Variants in SCAMP2 observed in about 807,000 individuals in gnomAD.
SCAMP2 encodes the protein secretory carrier membrane protein 2.
Under a neutral mutation model 44.1 loss-of-function variants are expected in SCAMP2, and 25 were observed. That is an observed-to-expected ratio of 0.57 (90% CI 0.41 to 0.79). The LOEUF (loss-of-function observed/expected upper bound fraction) is 0.79, where lower values mean the gene tolerates loss of function less well. SCAMP2 is among the 30% of genes least tolerant of loss of function. The probability of loss-of-function intolerance (pLI) is 0.00; values close to 1 mark genes in which losing one functional copy is unlikely to be tolerated. For synonymous variants in SCAMP2, 156 were observed against 166.0 expected (o/e 0.94, Z 0.46); for missense variants, 355 against 411.0 (o/e 0.86, Z 1.18).
chr15:74,854,025 G>T lies in SCAMP2; in HGVS notation c.221C>A (p.Pro74His), dbSNP rs79613336. 6.2e-3 allele frequency: 10,042 copies of T among 1,613,530 alleles called. 444 individuals carry two copies. In the Admixed American group the frequency reaches 0.095, roughly 15 times the overall value. ...QPSVEPTQPT[P>H]QAVVSAAQAG... is the part of the protein sequence containing the mutation. ...AGAGTTCTTTGTCAGCACTACCTGG[G>T]GGGTCGGCTGGGTTGGTTCCACTGA... Residue 74 changes from proline (P) to histidine (H), a missense_variant, in exon 3 of 9, where the codon CCC (proline) becomes CAC (histidine). Physicochemically the swap from Pro to His is moderately conservative, Grantham distance 77. Coordinates refer to ENST00000268099, the MANE Select transcript of SCAMP2 (RefSeq NM_005697.5).
chr15:74,862,109 A>C (rs2064509004), intron 1 of SCAMP2, among the ~76,000 whole-genome samples: 1 of 136,534 alleles, frequency 7.3e-6, no homozygotes, highest in Admixed American at 7.4e-5. Flanking sequence ...AAAAAAATAC[A>C]AAAGTTAGCC....
chr15:74,852,288 G>T, intron 3 of SCAMP2, 102 bp from the exon 4 acceptor site: 1 of 791,258 alleles, frequency 1.3e-6, no homozygotes, highest in Non-Finnish European at 1.8e-6. Flanking sequence ...GGCAGGGACA[G>T]CCATCAAGGA....
intron 1 of SCAMP2, among the ~76,000 whole-genome samples, chr15:74,861,646 C>T (rs187326642): frequency 2.0e-4 from 31 of 152,260 alleles, no homozygotes; most frequent in East Asian, 3.9e-4. Context: ...CGCCTATAAT[C>T]GCAGCACTTT....
In SCAMP2 at chr15:74,854,603, G is replaced by T. The variant is rs756036316; in HGVS notation, c.104C>A (p.Ala35Glu). The T allele has an allele frequency of 1.9e-5, 31 of 1,606,666 alleles. No homozygotes were observed. Among genetic ancestry groups the T allele is most frequent in the Non-Finnish European group, 2.5e-5 (30 of 1,176,644 alleles). Reference sequence around the variant, plus strand: ...AACCTCTGAGAAGGGGTTGAATTCCGCCAGGCCGCCCTGCGGGGCGTTGGT... The same window carrying T: ...AACCTCTGAGAAGGGGTTGAATTCCTCCAGGCCGCCCTGCGGGGCGTTGGT... The part of the protein sequence containing the change: ...QLTNAPQGGL[A>E]EFNPFSETNA... Residue 35 changes from alanine (A) to glutamate (E), a missense_variant, in exon 2 of 9, where the codon GCG becomes GAG. Ala to Glu is a moderately radical substitution (Grantham distance 107, BLOSUM62 -1). Coordinates refer to ENST00000268099, the MANE Select transcript of SCAMP2 (RefSeq NM_005697.5).
chr15:74,873,191 G>C lies in SCAMP2; in HGVS notation c.57+8C>G. The C allele has an allele frequency of 2.1e-6, 3 of 1,437,758 alleles. No homozygotes were observed. Among genetic ancestry groups the C allele is most frequent in the Middle Eastern group, 1.8e-4 (1 of 5,676 alleles). The allele number at this position is 1,437,758 out of a possible 1,614,324, so 89.1% of individuals were successfully genotyped here. On this transcript the variant is annotated splice_region_variant and intron_variant, in intron 1 of 8. Transcript: ENST00000268099. ...TCTGAGAGCTGGATGGCGGGAGAGG[G>C]GCTCTACCTGGAAGGGGTTTACATC...
rs755380990 is a variant in SCAMP2, at chr15:74,845,042, G to C, written c.*41C>G. On this transcript the variant is annotated 3_prime_UTR_variant, in exon 9 of 9. Coordinates refer to ENST00000268099, the MANE Select transcript of SCAMP2 (RefSeq NM_005697.5). ...ACCCACGGAAAGTGCAGCTCAGAAG[G>C]CAGGCGAGAGAAAGGCTGAGGGGGA... 4.4e-6 allele frequency: 7 copies of C among 1,596,002 alleles called. No individual in the cohort carries two copies. The highest frequency in any genetic ancestry group is 5.1e-6 in the Non-Finnish European group (6 of 1,167,698).
intron 4 of SCAMP2, 53 bp downstream of exon 4, chr15:74,852,016 G>GACACTCTTCTA (rs1471860914): frequency 7.6e-7 from 1 of 1,311,872 alleles, no homozygotes; most frequent in Non-Finnish European, 1.0e-6. Flanking sequence ...CAGGTTTCAG[G>GACACTCTTCTA]ACACTCTTCT....
intron 1 of SCAMP2, among the ~76,000 whole-genome samples, chr15:74,857,443 C>T (rs1345944370): frequency 6.6e-6 from 1 of 152,210 alleles, no homozygotes; most frequent in African/African-American, 2.4e-5. Context: ...CCCTCTCAGA[C>T]TCAGCAGACA....
intron 7 of SCAMP2, among the ~76,000 whole-genome samples, chr15:74,848,050 G>A (rs2141170855): frequency 6.6e-6 from 1 of 151,686 alleles, no homozygotes; most frequent in South Asian, 2.1e-4. Context: ...GGAAAGTGGA[G>A]AGCAAGGGAA....
chr15:74,859,386 C>G (rs2064488030), intron 1 of SCAMP2, among the ~76,000 whole-genome samples: 1 of 152,076 alleles, frequency 6.6e-6, no homozygotes, highest in Non-Finnish European at 1.5e-5. Flanking sequence ...TGCTGGGGAC[C>G]ACGGCAAGGT....
At chr15:74,872,628 A>G (rs901439388) in intron 1 of SCAMP2, among the ~76,000 whole-genome samples, 4 of 152,208 alleles carry the variant, frequency 2.6e-5, no homozygotes, top group Admixed American at 2.6e-4. Context: ...TATCAAGGCC[A>G]TTTTTCAACT....
At chr15:74,856,662 T>C (rs1008423100) in intron 1 of SCAMP2, among the ~76,000 whole-genome samples, 1 of 150,898 alleles carries the variant, frequency 6.6e-6, no homozygotes, top group African/African-American at 2.4e-5. Context: ...GGTGCAATCA[T>C]AGCTCATGGT....
intron 1 of SCAMP2, among the ~76,000 whole-genome samples, chr15:74,854,978 T>G (rs1320771816): frequency 1.3e-5 from 2 of 151,686 alleles, no homozygotes; most frequent in African/African-American, 2.4e-5. Flanking sequence ...GAGTGGGTTT[T>G]TTTTTTTTTT....
intron 1 of SCAMP2, among the ~76,000 whole-genome samples, chr15:74,857,598 CAT>C (rs765908591): frequency 1.9e-4 from 29 of 152,148 alleles, no homozygotes; most frequent in Admixed American, 5.9e-4. Flanking sequence ...CCAAGGTGCA[CAT>C]GTTTAATAGG....
chr15:74,854,724 G>T, intron 1 of SCAMP2, 75 bp from the exon 2 acceptor site: 2 of 1,343,416 alleles, frequency 1.5e-6, no homozygotes, highest in Non-Finnish European at 2.1e-6. Context: ...AGCCGGTGAC[G>T]CCTGACTGAA....
At position 74,843,786 on chromosome 15, in the gene SCAMP2, C is replaced by T. The variant is rs2064354815; in HGVS notation, c.*1297G>A. 6.6e-6 allele frequency: 1 copy of T among 152,204 alleles called. No homozygotes were observed. The highest frequency in any genetic ancestry group is 1.5e-5 in the Non-Finnish European group (1 of 68,042). 9.4% of individuals were successfully genotyped at this position (152,204 alleles called of 1,614,324 possible). On this transcript the variant is annotated 3_prime_UTR_variant, in exon 9 of 9. Coordinates refer to ENST00000268099, the MANE Select transcript of SCAMP2 (RefSeq NM_005697.5). ...CACAAAAATTGAGACGTAACATATACATTTGTACATAGAGGGGAAAAAATA... is the reference window on the plus strand; with the variant it reads ...CACAAAAATTGAGACGTAACATATATATTTGTACATAGAGGGGAAAAAATA...
chr15:74,869,755 C>T (rs1394046003), intron 1 of SCAMP2, among the ~76,000 whole-genome samples: 1 of 152,232 alleles, frequency 6.6e-6, no homozygotes, highest in Non-Finnish European at 1.5e-5. Flanking sequence ...TTGCAATCCA[C>T]CATTTCTGTC....
rs569317161 is a variant in SCAMP2 at position 74,850,621 on chromosome 15, C to G, written c.525G>C (p.Ser175=). Residue 175 remains serine (S), a synonymous_variant, in exon 6 of 9, where the codon TCG becomes TCC. Coordinates refer to ENST00000268099, the MANE Select transcript of SCAMP2 (RefSeq NM_005697.5). The part of the protein sequence containing the change: ...LNLLACLAWF[S]GNSSKGVDFG... The stretch of plus-strand genomic sequence containing the variant: ...AGTCCACTCCCTTGGAGCTGTTGCC[C>G]GAGAACCAGGCCAGGCAGGCAAGCA... 3.1e-6 allele frequency: 5 copies of G among 1,614,086 alleles called. No individual in the cohort carries two copies. The highest frequency in any genetic ancestry group is 1.1e-5 in the South Asian group (1 of 91,072).
intron 8 of SCAMP2, 71 bp from the exon 9 acceptor site, chr15:74,845,288 A>G: frequency 1.3e-6 from 2 of 1,592,914 alleles, no homozygotes; most frequent in South Asian, 1.1e-5. Context: ...TCCAGGTTAT[A>G]CTCCCAAAGG....
Sources: allele counts gnomAD v4.1 joint callset (sites outside exome capture counted in the v4.1 genomes callset), GRCh38; gene constraint gnomAD v4.1.1; transcripts MANE v1.5; gene names NCBI Gene and HGNC (gene_info 2026-07-23, HGNC 2026-07-21).